MASP1: variants seen among roughly 807,000 people sequenced by gnomAD.
MASP1 encodes MBL associated serine protease 1, also known as mannan-binding lectin serine protease 1.
In MASP1, 59 loss-of-function variants were observed where a neutral mutation model predicts 77.1. The ratio of observed to expected loss-of-function variants is 0.77; its 90% CI spans 0.62 to 0.95. The LOEUF is 0.95. MASP1 is among the 40% of genes least tolerant of loss of function. The pLI is 0.00. For synonymous variants in MASP1, 362 were observed against 354.5 expected (o/e 1.02, Z -0.24); for missense variants, 885 against 912.9 (o/e 0.97, Z 0.39).
rs759208178 is a variant in MASP1 at position 187,225,500 on chromosome 3, C to T, written c.1565G>A (p.Trp522Ter). The change falls in exon 13 of 16, where the codon TGG becomes TAG. Residue 522 changes from tryptophan to a stop codon, truncating the protein, a stop_gained. Transcript: ENST00000337774. LOFTEE classifies it high-confidence loss of function. ...TTCATTTTCATCTGACCGGAGCCTC[C>T]AATGCTTGCCTGGGCAAGAAGAAGA... The T allele has an allele frequency of 4.3e-6, 7 of 1,614,092 alleles. No individual in the cohort carries two copies. Among genetic ancestry groups the T allele is most frequent in the Non-Finnish European group, 5.9e-6 (7 of 1,180,020 alleles).
chr3:187,285,926 C>T lies in MASP1; in HGVS notation c.136G>A (p.Val46Met), dbSNP rs1235268893. 6.2e-7 allele frequency: 1 copy of T among 1,614,116 alleles called. No homozygotes were observed. Among genetic ancestry groups the T allele is most frequent in the Non-Finnish European group, 8.5e-7 (1 of 1,179,960 alleles). Residue 46 changes from valine to methionine, a missense_variant, in exon 2 of 11, where the codon GTG (valine) becomes ATG (methionine). Transcript: ENST00000296280. ...YPDSYPSDSE[V>M]TWNITVPDGF... ...TCTGGGACAGTGATATTCCAAGTCACCTCTGAATCACTGGGATAGGAGTCT... is the reference window on the plus strand; with the variant it reads ...TCTGGGACAGTGATATTCCAAGTCATCTCTGAATCACTGGGATAGGAGTCT...
chr3:187,290,517 G>C (rs965046714), intron 1 of MASP1, among the ~76,000 whole-genome samples: 2 of 152,062 alleles, frequency 1.3e-5, no homozygotes, highest in African/African-American at 4.8e-5. Context: ...ATGTTTAATG[G>C]CAGGTTTAAA....
intron 12 of MASP1, among the ~76,000 whole-genome samples, chr3:187,225,967 C>T (rs1712403315): frequency 6.6e-6 from 1 of 152,154 alleles, no homozygotes; most frequent in African/African-American, 2.4e-5. Flanking sequence ...CTGTAAGCTC[C>T]CTGTGGGCAG....
At chr3:187,238,619 A>G (rs1046777929) in intron 10 of MASP1, among the ~76,000 whole-genome samples, 1 of 151,942 alleles carries the variant, frequency 6.6e-6, no homozygotes, top group Non-Finnish European at 1.5e-5. Context: ...AAAATGTGAT[A>G]CTCTAGGATT....
chr3:187,257,721 C>T (rs1211753123), intron 4 of MASP1, among the ~76,000 whole-genome samples: 2 of 151,898 alleles, frequency 1.3e-5, no homozygotes, highest in East Asian at 1.9e-4. Context: ...AAGGGTTCTG[C>T]GTACATGGTG....
In MASP1 at chr3:187,256,570, T is replaced by C. The variant is rs568090411; in HGVS notation, c.744+94A>G. The C allele has an allele frequency of 1.1e-5, 13 of 1,174,566 alleles. No individual in the cohort carries two copies. In the African/African-American group the frequency reaches 1.2e-4, roughly 11 times the overall value. 72.8% of individuals were successfully genotyped at this position (1,174,566 alleles called of 1,614,324 possible). A position where few individuals can be genotyped will look rare whatever the true frequency, so the allele number is the denominator to read the frequency against. ...GAACTAGCTGCTAGGCTCTCTATCC[T>C]GGGAGAAGAAGGTGAAGGTTCCGCA... On this transcript the variant is annotated intron_variant, in intron 5 of 10. Coordinates refer to ENST00000296280, the MANE Select transcript of MASP1 (RefSeq NM_139125.4).
At chr3:187,257,153 G>A (rs924887822) in intron 4 of MASP1, among the ~76,000 whole-genome samples, 6 of 151,968 alleles carry the variant, frequency 3.9e-5, no homozygotes, top group Non-Finnish European at 7.4e-5. Flanking sequence ...ATCTGAGAGG[G>A]AAGGGTTTTG....
intron 7 of MASP1, 37 bp from the exon 8 acceptor site, chr3:187,250,366 A>G: frequency 6.7e-7 from 1 of 1,496,420 alleles, no homozygotes; most frequent in Non-Finnish European, 9.3e-7. Flanking sequence ...GGGAAGAAGG[A>G]GGTGGGGGTG....
At chr3:187,219,215 T>C (rs1711897635) in exon 16 of MASP1, 2 of 152,208 alleles carry the variant, frequency 1.3e-5, no homozygotes. Flanking sequence ...CCTCATCTTA[T>C]CAGGGGGAAA....
chr3:187,233,159 C>G (rs1404356632), downstream of MASP1, among the ~76,000 whole-genome samples: 1 of 152,226 alleles, frequency 6.6e-6, no homozygotes, highest in African/African-American at 2.4e-5. Flanking sequence ...CCCTTCCTGT[C>G]CACTTTCCAC....
chr3:187,220,397 T>A (rs879862510), intron 15 of MASP1: 3 of 719,434 alleles, frequency 4.2e-6, no homozygotes, highest in Non-Finnish European at 7.0e-6. Flanking sequence ...ACCTCAGCTC[T>A]GGGCAGTTCT....
chr3:187,227,053 C>T (rs1310123079), intron 11 of MASP1, among the ~76,000 whole-genome samples: 1 of 152,254 alleles, frequency 6.6e-6, no homozygotes, highest in African/African-American at 2.4e-5. Flanking sequence ...GCTACCTACA[C>T]TGGCTGCACG....
At chr3:187,275,663 C>T (rs928621177) in intron 2 of MASP1, among the ~76,000 whole-genome samples, 2 of 152,112 alleles carry the variant, frequency 1.3e-5, no homozygotes, top group Admixed American at 1.3e-4. Flanking sequence ...TCTGTGAAAA[C>T]TCATTACTTC....
At position 187,272,714 on chromosome 3, in the gene MASP1, AG is replaced by A. The variant is rs537067101; in HGVS notation, c.238-9995del. Among the ~76,000 whole-genome samples, 14 of 152,276 alleles carry A rather than the reference AG, an allele frequency of 9.2e-5. 1 individual carries two copies. In the South Asian group the frequency reaches 2.9e-3, roughly 32 times the overall value. ...CTATTCTAGAAAGCTAGAATAGGCA[AG>A]GAAGGATCCCCCTCTGGAGCCCTCA... is the stretch of plus-strand genomic sequence containing the variant. On this transcript the variant is annotated intron_variant, in intron 2 of 10. Transcript: ENST00000296280.
rs763899469 is a variant in MASP1, at chr3:187,226,498, G to A, written c.1464C>T (p.Ala488=). 4.3e-5 allele frequency: 70 copies of A among 1,611,458 alleles called. No individual in the cohort carries two copies. In the Middle Eastern group the frequency reaches 6.6e-4, roughly 15 times the overall value. Reference sequence around the variant, plus strand: ...CGAGTGACTGGTGGAGGCAGTGTGCGGCGGTCACGATCCAGCTGGAGCCTG... The same window carrying A: ...CGAGTGACTGGTGGAGGCAGTGTGCAGCGGTCACGATCCAGCTGGAGCCTG... Residue 488 remains alanine, a synonymous_variant, in exon 12 of 16, where the codon GCC becomes GCT. Transcript: ENST00000337774.
At position 187,256,788 on chromosome 3, in the gene MASP1, G is replaced by T; in HGVS notation, c.620C>A (p.Pro207His). 1 of 1,613,932 alleles carries T rather than the reference G, an allele frequency of 6.2e-7. No homozygotes were observed. ...ITSPDFPNPY[P>H]KSSECLYTIE... Reference sequence around the variant, plus strand: ...GGTATACAGGCATTCAGAGCTCTTGGGGTAAGGGTTTGGGAAGTCAGGGCT... The same window carrying T: ...GGTATACAGGCATTCAGAGCTCTTGTGGTAAGGGTTTGGGAAGTCAGGGCT... Residue 207 changes from proline to histidine, a missense_variant, in exon 5 of 11, where the codon CCC (proline) becomes CAC (histidine). Coordinates refer to ENST00000296280, the MANE Select transcript of MASP1 (RefSeq NM_139125.4).
At chr3:187,290,626 A>G (rs1486808638) in intron 1 of MASP1, among the ~76,000 whole-genome samples, 1 of 152,372 alleles carries the variant, frequency 6.6e-6, no homozygotes, top group Non-Finnish European at 1.5e-5. Flanking sequence ...AAGAGTTAAC[A>G]TAGTCTGAAG....
intron 5 of MASP1, 34 bp downstream of exon 5, chr3:187,256,630 G>A (rs779223726): frequency 6.2e-7 from 1 of 1,608,676 alleles, no homozygotes; most frequent in South Asian, 1.1e-5. Flanking sequence ...AGATTTTCCA[G>A]CATCTCCAGG....
At chr3:187,248,604 A>C (rs1399071341) in intron 8 of MASP1, among the ~76,000 whole-genome samples, 1 of 152,050 alleles carries the variant, frequency 6.6e-6, no homozygotes, top group African/African-American at 2.4e-5. Flanking sequence ...CTTTGCTTAG[A>C]ACCCAGTCAC....
Sources: gnomAD v4.1 joint callset for allele counts (sites outside exome capture counted in the v4.1 genomes callset) on GRCh38, gnomAD v4.1.1 for gene constraint, MANE v1.5 for transcripts, NCBI Gene and HGNC (gene_info 2026-07-23, HGNC 2026-07-21) for gene names.